The following STPG2 variants were observed in gnomAD, a reference collection of about 807,000 sequenced individuals.
STPG2 encodes the protein sperm-tail PG-rich repeat-containing protein 2.
Under a neutral mutation model 54.2 loss-of-function variants are expected in STPG2, and 56 were observed. That is an observed-to-expected ratio of 1.03 (90% confidence interval 0.83 to 1.29). The LOEUF is 1.29. STPG2 is among the 50% of genes most tolerant of loss of function. The pLI is 0.00. For synonymous variants in STPG2, 200 were observed against 181.8 expected, an observed-to-expected ratio of 1.10 and a Z score of -0.81; for missense variants, 596 against 544.9, an observed-to-expected ratio of 1.09 and a Z score of -0.93.
intron 8 of STPG2, among the ~76,000 whole-genome samples, chr4:97,906,714 A>T (rs1252752195): frequency 5.9e-5 from 9 of 151,918 alleles, no homozygotes; most frequent in African/African-American, 1.7e-4. Context: ...GGTTCAATAT[A>T]CACAAATCAA....
At chr4:98,025,544 C>T (rs982576010) in intron 5 of STPG2, 5 of 710,364 alleles carry the variant, frequency 7.0e-6, no homozygotes, top group Admixed American at 3.5e-5. Context: ...GATGATAGTT[C>T]GTGTAACAAA....
chr4:97,607,969 C>T (rs960183547), intron 10 of STPG2, among the ~76,000 whole-genome samples: 11 of 152,096 alleles, frequency 7.2e-5, no homozygotes, highest in South Asian at 6.2e-4. Context: ...ATTCAATACA[C>T]GTGGGAACTA....
chr4:97,793,895 C>A (rs2149082896), intron 9 of STPG2, among the ~76,000 whole-genome samples: 1 of 151,936 alleles, frequency 6.6e-6, no homozygotes, highest in African/African-American at 2.4e-5. Context: ...GTGGCTAAGA[C>A]CTGAATCATT....
At chr4:97,926,733 A>G (rs1732344943) in intron 8 of STPG2, among the ~76,000 whole-genome samples, 1 of 152,120 alleles carries the variant, frequency 6.6e-6, no homozygotes, top group Non-Finnish European at 1.5e-5. Context: ...CTAAATTTTA[A>G]CATGTTCTTC....
chr4:97,565,005 C>T (rs1468629469), intron 10 of STPG2, among the ~76,000 whole-genome samples: 1 of 152,206 alleles, frequency 6.6e-6, no homozygotes, highest in Non-Finnish European at 1.5e-5. Flanking sequence ...GGGAAGTTCT[C>T]CTGGATAATA....
At chr4:97,519,693 T>C (rs1299608481) in intron 4 of STPG2, among the ~76,000 whole-genome samples, 3 of 151,820 alleles carry the variant, frequency 2.0e-5, no homozygotes, top group Non-Finnish European at 2.9e-5. Context: ...GAATAGAGGA[T>C]GTCATTTAAG....
intron 5 of STPG2, among the ~76,000 whole-genome samples, chr4:98,023,651 G>A (rs1172551255): frequency 6.6e-6 from 1 of 152,204 alleles, no homozygotes; most frequent in Non-Finnish European, 1.5e-5. Context: ...ACAGAGGCAG[G>A]CAGGCCTCCT....
chr4:98,125,563 G>GC (rs1739805599), intron 3 of STPG2, among the ~76,000 whole-genome samples: 1 of 156 alleles, frequency 6.4e-3, no homozygotes, highest in Admixed American at 0.12. Context: ...CTGTCCCAGA[G>GC]GGCACCGACC....
rs143203279 is a variant in STPG2 at position 97,681,301 on chromosome 4, A to G, written c.1320+31398T>C. Among the ~76,000 whole-genome samples the G allele has an allele frequency of 9.2e-5, 14 of 151,998 alleles. 1 individual carries two copies. In the East Asian group the frequency reaches 2.7e-3, roughly 29 times the overall value. On this transcript the variant is annotated intron_variant, in intron 10 of 10. Coordinates refer to ENST00000295268, the MANE Select transcript of STPG2 (RefSeq NM_174952.3). ...GGTGAAGAGGTTCATTTTATGTTCG[A>G]TATAGAACAAGAAAAAGAAATTTAC...
At chr4:97,450,455 G>C (rs2148797485) in intron 4 of STPG2, among the ~76,000 whole-genome samples, 1 of 152,274 alleles carries the variant, frequency 6.6e-6, no homozygotes, top group East Asian at 1.9e-4. Flanking sequence ...CTCCCAAGAA[G>C]AGGTACATGG....
At chr4:97,804,890 G>A (rs1036534990) in intron 9 of STPG2, among the ~76,000 whole-genome samples, 8 of 152,204 alleles carry the variant, frequency 5.3e-5, no homozygotes, top group South Asian at 2.1e-4. Context: ...GCAGTGATAC[G>A]CTATGCAGGT....
chr4:97,672,166 C>CTTT (rs70953079), intron 10 of STPG2, among the ~76,000 whole-genome samples: 1,496 of 80,610 alleles, frequency 0.019, 8 homozygotes, highest in Middle Eastern at 0.037. Context: ...ACTGGTAATT[C>CTTT]TTTTTTTTTT....
intron 10 of STPG2, among the ~76,000 whole-genome samples, chr4:97,703,600 G>A: frequency 1.3e-5 from 1 of 76,604 alleles, no homozygotes; most frequent in Non-Finnish European, 2.3e-5. Flanking sequence ...TATACTATAA[G>A]TAGTGTATAG....
intron 8 of STPG2, among the ~76,000 whole-genome samples, chr4:97,901,315 T>C (rs1462591415): frequency 1.3e-5 from 2 of 151,842 alleles, no homozygotes; most frequent in Admixed American, 1.3e-4. Context: ...TTCAATCTAG[T>C]ACTAGAAGTT....
intron 8 of STPG2, among the ~76,000 whole-genome samples, chr4:97,904,858 C>T (rs542037346): frequency 3.3e-4 from 50 of 151,970 alleles, no homozygotes; most frequent in East Asian, 5.8e-4. Context: ...AGGGTATCAG[C>T]GATGGAAGAT....
intron 9 of STPG2, among the ~76,000 whole-genome samples, chr4:97,734,044 T>C (rs1475611224): frequency 1.3e-5 from 2 of 152,188 alleles, no homozygotes; most frequent in East Asian, 3.8e-4. Flanking sequence ...AGCACTATAC[T>C]GATTAAAAGT....
chr4:97,738,396 C>A (rs1408528911), intron 9 of STPG2, among the ~76,000 whole-genome samples: 1 of 152,040 alleles, frequency 6.6e-6, no homozygotes, highest in Non-Finnish European at 1.5e-5. Context: ...TAAATGCTCC[C>A]ATTAAAAGAC....
intron 1 of STPG2, among the ~76,000 whole-genome samples, chr4:98,137,502 C>T (rs2110170765): frequency 6.6e-6 from 1 of 151,720 alleles, no homozygotes; most frequent in Non-Finnish European, 1.5e-5. Context: ...TTTTTAAGGT[C>T]TACATTTATA....
At chr4:97,903,877 C>T (rs1731279926) in intron 8 of STPG2, among the ~76,000 whole-genome samples, 3 of 152,214 alleles carry the variant, frequency 2.0e-5, no homozygotes, top group Admixed American at 6.5e-5. Context: ...CACCCGAATA[C>T]TGCGCTTTTC....
Sources: allele counts gnomAD v4.1 joint callset (sites outside exome capture counted in the v4.1 genomes callset), GRCh38; gene constraint gnomAD v4.1.1; transcripts MANE v1.5; gene names NCBI Gene and HGNC (gene_info 2026-07-23, HGNC 2026-07-21).